MEIKIN: variants seen among roughly 807,000 people sequenced by gnomAD.
MEIKIN encodes the protein meiosis-specific kinetochore protein.
intron 12 of MEIKIN, among the ~76,000 whole-genome samples, chr5:131,816,971 G>A (rs1773114547): frequency 6.6e-6 from 1 of 152,086 alleles, no homozygotes; most frequent in African/African-American, 2.4e-5. Context: ...GATGTTTCCA[G>A]AAGAGACTGG....
intron 11 of MEIKIN, among the ~76,000 whole-genome samples, chr5:131,824,377 A>C (rs1187958685): frequency 6.6e-6 from 1 of 151,850 alleles, no homozygotes; most frequent in African/African-American, 2.4e-5. Flanking sequence ...AAACTTAGCC[A>C]GGTGTGGTGG....
chr5:131,893,433 G>A (rs753006591), intron 8 of MEIKIN, among the ~76,000 whole-genome samples: 9 of 152,346 alleles, frequency 5.9e-5, no homozygotes, highest in Non-Finnish European at 8.8e-5. Flanking sequence ...TGTGAAGCCC[G>A]TTGGAAAAGC....
At chr5:131,912,288 T>C (rs933649175) in intron 7 of MEIKIN, among the ~76,000 whole-genome samples, 1 of 150,360 alleles carries the variant, frequency 6.7e-6, no homozygotes, top group Admixed American at 6.6e-5. Flanking sequence ...ACATGACAGA[T>C]TGATTATTAT....
At position 131,808,879 on chromosome 5, in the gene MEIKIN, C is replaced by G. The variant is rs754217175; in HGVS notation, c.1100-1621G>C. Among the ~76,000 whole-genome samples the G allele has an allele frequency of 1.1e-4, 17 of 152,092 alleles. 1 individual carries two copies. Among genetic ancestry groups the G allele is most frequent in the Non-Finnish European group, 1.8e-4 (12 of 68,008 alleles). The stretch of plus-strand genomic sequence containing the variant: ...TTGCTTGAGCCCAGGAGTACGAGAT[C>G]AGCCTGGGCATCATGGTGAAACCCA... On this transcript the variant is annotated intron_variant, in intron 12 of 12. Transcript: ENST00000442687.
chr5:131,807,512 AG>A, intron 12 of MEIKIN, among the ~76,000 whole-genome samples: 1 of 152,340 alleles, frequency 6.6e-6, no homozygotes. Flanking sequence ...TCTGGTGGAA[AG>A]CCCAGCAAAA....
intron 8 of MEIKIN, among the ~76,000 whole-genome samples, chr5:131,895,574 T>C (rs940642733): frequency 3.9e-5 from 6 of 152,228 alleles, no homozygotes; most frequent in African/African-American, 1.2e-4. Context: ...GCGCCTGTTA[T>C]TGGTCTATTC....
At chr5:131,889,744 C>G (rs1471394708) in intron 8 of MEIKIN, among the ~76,000 whole-genome samples, 1 of 152,170 alleles carries the variant, frequency 6.6e-6, no homozygotes, top group African/African-American at 2.4e-5. Context: ...ACTTCCAACA[C>G]TATGTTGAAT....
intron 5 of MEIKIN, among the ~76,000 whole-genome samples, chr5:131,931,293 G>A (rs1751686485): frequency 6.6e-6 from 1 of 152,192 alleles, no homozygotes; most frequent in Non-Finnish European, 1.5e-5. Flanking sequence ...TGGACACAAA[G>A]TCCAACTCTT....
At chr5:131,816,481 C>A (rs1019982930) in intron 12 of MEIKIN, among the ~76,000 whole-genome samples, 1 of 152,196 alleles carries the variant, frequency 6.6e-6, no homozygotes, top group African/African-American at 2.4e-5. Context: ...CTGTAGACTG[C>A]ATCATTGGCT....
At chr5:131,913,547 C>T (rs1377829672) in intron 7 of MEIKIN, among the ~76,000 whole-genome samples, 1 of 152,174 alleles carries the variant, frequency 6.6e-6, no homozygotes, top group African/African-American at 2.4e-5. Flanking sequence ...CCATGTGACA[C>T]CAATATATAG....
chr5:131,851,431 G>T (rs2149615167), intron 10 of MEIKIN, 48 bp from the exon 11 acceptor site: 2 of 395,730 alleles, frequency 5.1e-6, no homozygotes, highest in East Asian at 7.2e-5. Context: ...CATTGCAAAA[G>T]CAATGATTTT....
chr5:131,807,670 T>C (rs1295802115), intron 12 of MEIKIN, among the ~76,000 whole-genome samples: 1 of 152,174 alleles, frequency 6.6e-6, no homozygotes, highest in Non-Finnish European at 1.5e-5. Context: ...CCTTTGCATT[T>C]TCCTAACCTT....
chr5:131,909,477 T>C lies in MEIKIN; in HGVS notation c.703+2338A>G, dbSNP rs1329976974. ...CTATGAAACTACTACAAGAAAACAT[T>C]GGGGAAAGTCTCTAGGACATTGGGC... On this transcript the variant is annotated intron_variant, in intron 8 of 12. Coordinates refer to ENST00000442687, the MANE Select transcript of MEIKIN (RefSeq NM_001303622.2). 1.2e-4 allele frequency among the ~76,000 whole-genome samples: 19 copies of C among 152,102 alleles called. 1 individual carries two copies.
intron 4 of MEIKIN, among the ~76,000 whole-genome samples, chr5:131,936,567 T>C (rs1377839423): frequency 1.3e-5 from 2 of 152,230 alleles, no homozygotes; most frequent in Non-Finnish European, 2.9e-5. Flanking sequence ...TTATTAAGTA[T>C]TAATACTAAG....
chr5:131,892,535 G>A (rs747077631), intron 8 of MEIKIN, among the ~76,000 whole-genome samples: 18 of 152,140 alleles, frequency 1.2e-4, no homozygotes, highest in African/African-American at 1.9e-4. Flanking sequence ...CATTCGTCAC[G>A]TAGTTCTTGT....
intron 12 of MEIKIN, among the ~76,000 whole-genome samples, chr5:131,817,658 G>T (rs916375976): frequency 4.6e-5 from 7 of 151,586 alleles, no homozygotes; most frequent in Non-Finnish European, 7.4e-5. Flanking sequence ...TCTCCTTTAG[G>T]TTCTGTTTTT....
At chr5:131,935,702 C>T (rs146758915) in intron 4 of MEIKIN, among the ~76,000 whole-genome samples, 5 of 152,300 alleles carry the variant, frequency 3.3e-5, no homozygotes, top group Non-Finnish European at 7.4e-5. Flanking sequence ...CTCTGCTCAT[C>T]CATTACCTAC....
intron 9 of MEIKIN, among the ~76,000 whole-genome samples, chr5:131,875,936 A>C (rs1374940729): frequency 6.6e-6 from 1 of 152,238 alleles, no homozygotes; most frequent in Non-Finnish European, 1.5e-5. Flanking sequence ...AAAACTGGCT[A>C]GCCATATGTA....
chr5:131,937,147 C>T (rs549940237), intron 4 of MEIKIN, among the ~76,000 whole-genome samples: 1 of 152,110 alleles, frequency 6.6e-6, no homozygotes, highest in South Asian at 2.1e-4. Flanking sequence ...ATTCCTAGAT[C>T]CCATGATTTC....
Sources: gnomAD v4.1 joint callset for allele counts (sites outside exome capture counted in the v4.1 genomes callset) on GRCh38, gnomAD v4.1.1 for gene constraint, MANE v1.5 for transcripts, NCBI Gene and HGNC (gene_info 2026-07-23, HGNC 2026-07-21) for gene names.